The following CFAP61 variants were observed in gnomAD, a reference collection of about 807,000 sequenced individuals.
CFAP61 encodes the protein cilia- and flagella-associated protein 61.
Under a neutral mutation model 135.6 loss-of-function variants are expected in CFAP61, and 107 were observed. The observed-to-expected ratio is 0.79, with a 90% CI of 0.67 to 0.93. The LOEUF (loss-of-function observed/expected upper bound fraction) is 0.93. Among genes scored for constraint, CFAP61 ranks in the 40% least tolerant of loss-of-function variants. The pLI is 0.00. For synonymous variants in CFAP61, 575 were observed against 578.5 expected, an observed-to-expected ratio of 0.99 and a Z score of 0.09; for missense variants, 1,507 against 1,556.2, an observed-to-expected ratio of 0.97 and a Z score of 0.53.
In CFAP61 at chr20:20,074,311, A is replaced by G; in HGVS notation, c.304A>G (p.Thr102Ala). ...DSDIPCTPLN[T>A]LFMHLFVAVD... ...CTCTCTTCTTCTGCAGCCCCTGAATACGTTGTTCATGCACCTCTTTGTGGC... is the reference window on the plus strand; with the variant it reads ...CTCTCTTCTTCTGCAGCCCCTGAATGCGTTGTTCATGCACCTCTTTGTGGC... The change falls in exon 4 of 27, where the codon ACG becomes GCG. Residue 102 changes from threonine to alanine, a missense_variant. Physicochemically the swap from Thr to Ala is moderately conservative, Grantham distance 58. Transcript: ENST00000245957. 4 of 1,614,142 alleles carry G rather than the reference A, an allele frequency of 2.5e-6. No homozygotes were observed. In the South Asian group the frequency reaches 4.4e-5, roughly 18 times the overall value.
rs2424317 is a variant in CFAP61 at position 20,277,314 on chromosome 20, C to T, written c.2652C>T (p.Ser884=). The T allele has an allele frequency of 0.22, 357,276 of 1,613,930 alleles. 41,617 individuals are homozygous for T. The highest frequency in any genetic ancestry group is 0.29 in the Middle Eastern group (1,760 of 6,062). ...GCATCAACAACTACTCGGTGGAGAG[C>T]GCCGTGGCGGACGCGCTAGGAGCCG... is the stretch of plus-strand genomic sequence containing the variant. ...ITCINNYSVE[S]AVADALGAAG... is the part of the protein sequence containing the mutation. Residue 884 remains serine, a synonymous_variant, in exon 22 of 27, where the codon AGC becomes AGT. Coordinates refer to ENST00000245957, the MANE Select transcript of CFAP61 (RefSeq NM_015585.4).
chr20:20,056,039 T>A, intron 1 of CFAP61: 1 of 1,557,334 alleles, frequency 6.4e-7, no homozygotes, highest in Non-Finnish European at 8.8e-7. Context: ...CCAAAGAGTG[T>A]CGGAAAGGCT....
intron 25 of CFAP61, among the ~76,000 whole-genome samples, chr20:20,340,770 CAG>C (rs1445338009): frequency 6.6e-6 from 1 of 152,186 alleles, no homozygotes; most frequent in Non-Finnish European, 1.5e-5. Flanking sequence ...TGAGGAAAGA[CAG>C]TGTGTTAACA....
intron 10 of CFAP61, 42 bp from the exon 11 acceptor site, chr20:20,164,008 T>C (rs1466328463): frequency 1.3e-6 from 2 of 1,522,612 alleles, no homozygotes; most frequent in East Asian, 2.3e-5. Context: ...TTACAGGGCA[T>C]TGACAGGATT....
chr20:20,266,808 A>C (rs2052776970), intron 21 of CFAP61, among the ~76,000 whole-genome samples: 1 of 152,206 alleles, frequency 6.6e-6, no homozygotes, highest in African/African-American at 2.4e-5. Context: ...CAAGTTACTT[A>C]ACTGCTTTGT....
At chr20:20,358,990 A>G (rs764028772) in intron 26 of CFAP61, among the ~76,000 whole-genome samples, 7 of 152,218 alleles carry the variant, frequency 4.6e-5, no homozygotes, top group Non-Finnish European at 1.5e-5. Flanking sequence ...TGTGCTTTCT[A>G]GAAGTACCCT....
intron 13 of CFAP61, among the ~76,000 whole-genome samples, chr20:20,182,155 C>T (rs192308342): frequency 6.6e-6 from 1 of 152,166 alleles, no homozygotes; most frequent in Admixed American, 6.6e-5. Flanking sequence ...AATGAATACT[C>T]TAAATCTCTA....
chr20:20,284,995 T>C (rs1046123819), intron 22 of CFAP61, among the ~76,000 whole-genome samples: 2 of 152,268 alleles, frequency 1.3e-5, no homozygotes, highest in African/African-American at 4.8e-5. Context: ...AGTAATTCTT[T>C]AGTTTTGCTC....
chr20:20,248,498 C>T (rs2050634113), intron 19 of CFAP61, among the ~76,000 whole-genome samples: 1 of 152,194 alleles, frequency 6.6e-6, no homozygotes. Flanking sequence ...CCACCGCCCC[C>T]ATCCAGCCTC....
chr20:20,337,043 C>T (rs1041447436), intron 25 of CFAP61, among the ~76,000 whole-genome samples: 3 of 152,176 alleles, frequency 2.0e-5, no homozygotes, highest in Admixed American at 6.5e-5. Flanking sequence ...TTCCTTGCAA[C>T]CGTTAATGTC....
At chr20:20,356,723 C>G (rs1445542269) in intron 26 of CFAP61, among the ~76,000 whole-genome samples, 1 of 3,770 alleles carries the variant, frequency 2.7e-4, no homozygotes, top group African/African-American at 1.4e-3. Context: ...GGTGGTCACA[C>G]TGTGAGGGGA....
At chr20:20,119,007 T>C (rs1263980623) in intron 8 of CFAP61, among the ~76,000 whole-genome samples, 1 of 152,138 alleles carries the variant, frequency 6.6e-6, no homozygotes, top group Non-Finnish European at 1.5e-5. Context: ...TAATGTGTTA[T>C]GGAATTTGGT....
chr20:20,080,347 A>T (rs1276544873), intron 6 of CFAP61, among the ~76,000 whole-genome samples: 2 of 152,056 alleles, frequency 1.3e-5, no homozygotes, highest in Non-Finnish European at 2.9e-5. Flanking sequence ...TTCTTTTCTG[A>T]TGGTGCCTGG....
intron 8 of CFAP61, among the ~76,000 whole-genome samples, chr20:20,112,675 C>T (rs1428539511): frequency 1.3e-5 from 2 of 152,118 alleles, no homozygotes; most frequent in East Asian, 3.9e-4. Flanking sequence ...TTTCAGGAGG[C>T]TCTGCTTAAG....
At chr20:20,233,802 T>G (rs892785214) in intron 18 of CFAP61, among the ~76,000 whole-genome samples, 1 of 152,202 alleles carries the variant, frequency 6.6e-6, no homozygotes, top group Non-Finnish European at 1.5e-5. Context: ...ACTTATCTCC[T>G]CATACCCACA....
intron 8 of CFAP61, among the ~76,000 whole-genome samples, chr20:20,102,152 A>G (rs946341321): frequency 7.2e-5 from 11 of 152,204 alleles, no homozygotes; most frequent in Non-Finnish European, 1.2e-4. Context: ...CACTCAAGGA[A>G]TAGACTCTGT....
chr20:20,322,761 C>T (rs189623766), intron 25 of CFAP61: 31 of 985,294 alleles, frequency 3.1e-5, no homozygotes, highest in Non-Finnish European at 3.1e-5. Flanking sequence ...AGAGGGTCCT[C>T]GTGTTGCCTA....
At chr20:20,101,926 C>T (rs1354581853) in intron 8 of CFAP61, among the ~76,000 whole-genome samples, 3 of 152,282 alleles carry the variant, frequency 2.0e-5, no homozygotes, top group South Asian at 2.1e-4. Flanking sequence ...CCATGCCCGG[C>T]CAGTTTTTTC....
intron 7 of CFAP61, among the ~76,000 whole-genome samples, chr20:20,097,779 C>T (rs2047690498): frequency 6.6e-6 from 1 of 152,214 alleles, no homozygotes; most frequent in Admixed American, 6.5e-5. Flanking sequence ...TTCACTGGAA[C>T]ATTTTCCACC....
Sources: allele counts gnomAD v4.1 joint callset (sites outside exome capture counted in the v4.1 genomes callset), GRCh38; gene constraint gnomAD v4.1.1; transcripts MANE v1.5; gene names NCBI Gene and HGNC (gene_info 2026-07-23, HGNC 2026-07-21).